Variants in SHANK2 observed in about 807,000 individuals in gnomAD.
SHANK2 encodes SH3 and multiple ankyrin repeat domains protein 2.
In SHANK2, 43 loss-of-function variants were observed where a neutral mutation model predicts 133.7. That is an observed-to-expected ratio of 0.32 (90% CI 0.25 to 0.41). The LOEUF is 0.41. Ranked by LOEUF, SHANK2 falls within the 10% of genes least tolerant of loss-of-function variation. SHANK2 has a pLI of 1.00. For synonymous variants in SHANK2, 1,017 were observed against 952.8 expected, an observed-to-expected ratio of 1.07 and a Z score of -1.24; for missense variants, 1,994 against 2,235.8, an observed-to-expected ratio of 0.89 and a Z score of 2.18.
chr11:71,086,110 A>AAATTATATAT (rs1951404685), intron 8 of SHANK2, among the ~76,000 whole-genome samples: 1 of 47,088 alleles, frequency 2.1e-5, no homozygotes, highest in African/African-American at 7.8e-5. Context: ...ATAATATATT[A>AAATTATATAT]TGTTATATAA....
At chr11:71,120,666 T>C (rs367777013) in intron 3 of SHANK2, among the ~76,000 whole-genome samples, 46 of 152,280 alleles carry the variant, frequency 3.0e-4, no homozygotes, top group African/African-American at 1.1e-3. Flanking sequence ...GGGGCAGTTG[T>C]TTATTCCAGA....
At chr11:70,712,158 C>A (rs1287583101) in intron 14 of SHANK2, among the ~76,000 whole-genome samples, 1 of 152,196 alleles carries the variant, frequency 6.6e-6, no homozygotes, top group East Asian at 1.9e-4. Context: ...CGGATCCTGG[C>A]CACTGCCTCC....
chr11:70,783,499 G>C (rs1947559495), intron 14 of SHANK2, among the ~76,000 whole-genome samples: 1 of 152,100 alleles, frequency 6.6e-6, no homozygotes, highest in Non-Finnish European at 1.5e-5. Flanking sequence ...TGTTGGGAGA[G>C]AAGCCAGCAC....
intron 17 of SHANK2, among the ~76,000 whole-genome samples, chr11:70,617,777 G>A (rs1554996544): frequency 6.6e-6 from 1 of 152,076 alleles, no homozygotes; most frequent in Non-Finnish European, 1.5e-5. Context: ...TGTTAGAAAT[G>A]TTTGATTCAA....
chr11:70,728,217 C>T (rs1396124675), intron 14 of SHANK2, among the ~76,000 whole-genome samples: 6 of 152,284 alleles, frequency 3.9e-5, no homozygotes, highest in African/African-American at 1.4e-4. Flanking sequence ...AAAAGTACTC[C>T]CCAGTTGGAA....
intron 2 of SHANK2, among the ~76,000 whole-genome samples, chr11:71,156,857 G>A (rs1407441888): frequency 6.6e-6 from 1 of 152,208 alleles, no homozygotes; most frequent in Non-Finnish European, 1.5e-5. Flanking sequence ...AGGAAGAGAA[G>A]CTATGGTCTG....
intron 9 of SHANK2, among the ~76,000 whole-genome samples, chr11:71,070,752 A>G (rs1194562498): frequency 6.6e-6 from 1 of 152,276 alleles, no homozygotes; most frequent in Non-Finnish European, 1.5e-5. Flanking sequence ...TTTGCACTAC[A>G]GTGGCAGTTG....
chr11:70,686,221 TCCATCCATCCAC>T (rs1434897124), intron 15 of SHANK2, among the ~76,000 whole-genome samples: 1 of 88,652 alleles, frequency 1.1e-5, no homozygotes, highest in African/African-American at 4.7e-5. Context: ...CATCCATCCA[TCCATCCATCCAC>T]CCACCCACCC....
At chr11:70,544,895 C>T (rs1464135400) in intron 17 of SHANK2, among the ~76,000 whole-genome samples, 2 of 152,244 alleles carry the variant, frequency 1.3e-5, no homozygotes, top group Non-Finnish European at 2.9e-5. Flanking sequence ...CCTCTGAGCC[C>T]ACGTGAGCAC....
intron 14 of SHANK2, among the ~76,000 whole-genome samples, chr11:70,707,372 C>CAAAA (rs1172194976): frequency 1.2e-4 from 7 of 57,870 alleles, no homozygotes; most frequent in African/African-American, 3.1e-4. Context: ...AACTCCATCT[C>CAAAA]AAAAAAAAAA....
Position 70,505,873 on chromosome 11 carries a change from T to A in SHANK2, c.2062-2942A>T, listed in dbSNP as rs184762971. On this transcript the variant is annotated intron_variant, in intron 17 of 25. Coordinates refer to ENST00000601538, the MANE Select transcript of SHANK2 (RefSeq NM_012309.5). ...CTAACCATCACGGCCTTGGGCTCAC[T>A]CCCTAGAATCCTCATCCTCCAGAAT... is the stretch of plus-strand genomic sequence containing the variant. Among the ~76,000 whole-genome samples the A allele has an allele frequency of 4.4e-3, 667 of 152,212 alleles. 9 individuals carry two copies. The highest frequency in any genetic ancestry group is 0.015 in the African/African-American group (623 of 41,478).
Position 70,487,739 on chromosome 11 carries a change from T to C in SHANK2, c.2573-19A>G. On this transcript the variant is annotated intron_variant, in intron 24 of 25. Coordinates refer to ENST00000601538, the MANE Select transcript of SHANK2 (RefSeq NM_012309.5). The surrounding 1 kb of genome is among the most constrained non-coding windows in gnomAD (Gnocchi z 5.8). ...GTTATTCCTACAAGCAGAAAACAGG[T>C]TTAGCTTTAAGTCACAATAGCAACA... is the stretch of plus-strand genomic sequence containing the variant. 1 of 1,551,482 alleles carries C rather than the reference T, an allele frequency of 6.4e-7. No homozygotes were observed. Among genetic ancestry groups the C allele is most frequent in the Non-Finnish European group, 8.7e-7 (1 of 1,147,420 alleles).
At chr11:71,186,065 G>A (rs1481797413) in intron 2 of SHANK2, among the ~76,000 whole-genome samples, 5 of 152,098 alleles carry the variant, frequency 3.3e-5, no homozygotes, top group African/African-American at 1.2e-4. Flanking sequence ...CATTCACCAC[G>A]ATGGAAAATA....
intron 11 of SHANK2, among the ~76,000 whole-genome samples, chr11:70,847,984 G>A (rs782816008): frequency 6.6e-6 from 1 of 152,238 alleles, no homozygotes; most frequent in Non-Finnish European, 1.5e-5. Context: ...GAGGGGACCA[G>A]CCAGCTGGGG....
At chr11:71,205,122 C>A (rs1555117796) in intron 2 of SHANK2, among the ~76,000 whole-genome samples, 1 of 152,160 alleles carries the variant, frequency 6.6e-6, no homozygotes, top group African/African-American at 2.4e-5. Flanking sequence ...TCCGTAGCAC[C>A]CTTGTGTAAT....
intron 17 of SHANK2, among the ~76,000 whole-genome samples, chr11:70,581,881 T>C (rs1448130000): frequency 4.6e-5 from 7 of 152,232 alleles, no homozygotes; most frequent in South Asian, 2.1e-4. Context: ...CTTAATCTCT[T>C]TGGACTATGA....
At chr11:70,872,331 A>G (rs1949480588) in intron 11 of SHANK2, 1 of 154,550 alleles carries the variant, frequency 6.5e-6, no homozygotes, top group African/African-American at 2.4e-5. Flanking sequence ...GAAGGTACTC[A>G]TGAGTGAAGA....
At chr11:70,540,998 C>T (rs186941475) in intron 17 of SHANK2, among the ~76,000 whole-genome samples, 1 of 152,304 alleles carries the variant, frequency 6.6e-6, no homozygotes, top group Admixed American at 6.5e-5. Context: ...CCTTCCCCAG[C>T]CCCTGGCACT....
chr11:70,765,726 G>A (rs1342060551), intron 14 of SHANK2, among the ~76,000 whole-genome samples: 1 of 152,206 alleles, frequency 6.6e-6, no homozygotes, highest in Non-Finnish European at 1.5e-5. Flanking sequence ...GGTGGCTGGT[G>A]TAACATTAAG....
Sources: allele counts gnomAD v4.1 joint callset (sites outside exome capture counted in the v4.1 genomes callset), GRCh38; gene constraint gnomAD v4.1.1; non-coding constraint Gnocchi (gnomAD v3.1); transcripts MANE v1.5; gene names NCBI Gene and HGNC (gene_info 2026-07-23, HGNC 2026-07-21).